TMEM126B: variants seen among roughly 807,000 people sequenced by gnomAD.
The protein encoded by TMEM126B is complex I assembly factor TMEM126B, mitochondrial.
TMEM126B carries 19 observed loss-of-function variants against 16.5 expected under a neutral mutation model. The observed-to-expected ratio is 1.15, with a 90% CI of 0.80 to 1.69. The LOEUF (loss-of-function observed/expected upper bound fraction) is 1.69. Among genes scored for constraint, TMEM126B ranks in the 40% most tolerant of loss-of-function variants. TMEM126B has a pLI of 0.00. For missense variants in TMEM126B, 293 were observed against 278.7 expected (o/e 1.05, Z -0.37); for synonymous variants, 104 against 93.2 (o/e 1.12, Z -0.67).
chr11:85,630,099 G>A (rs2082255910), intron 1 of TMEM126B, among the ~76,000 whole-genome samples: 1 of 152,168 alleles, frequency 6.6e-6, no homozygotes, highest in African/African-American at 2.4e-5. Flanking sequence ...GTATTACAGT[G>A]ATATTCAACA....
intron 2 of TMEM126B, 98 bp downstream of exon 2, chr11:85,631,906 T>A: frequency 1.6e-6 from 2 of 1,285,722 alleles, no homozygotes; most frequent in Non-Finnish European, 2.1e-6. Flanking sequence ...CCTTTTCTGT[T>A]ATCTAAGATC....
intron 4 of TMEM126B, 104 bp from the exon 5 acceptor site, chr11:85,635,942 C>G (rs1249964990): frequency 2.5e-5 from 33 of 1,327,274 alleles, no homozygotes; most frequent in Non-Finnish European, 3.0e-5. Context: ...TTTTTGCTCT[C>G]TACATTATAG....
At chr11:85,633,935 G>C (rs1461391796) in intron 2 of TMEM126B, 151 bp from the exon 3 acceptor site, 2 of 590,518 alleles carry the variant, frequency 3.4e-6, no homozygotes, top group South Asian at 2.2e-5. Flanking sequence ...TTTGTTTACT[G>C]TCCTATCTTA....
intron 4 of TMEM126B, 77 bp from the exon 5 acceptor site, chr11:85,635,968 TA>T (rs1432496165): frequency 7.0e-7 from 1 of 1,430,594 alleles, no homozygotes; most frequent in African/African-American, 1.5e-5. Context: ...GAAAGGCAAT[TA>T]TCAATTTAGG....
At chr11:85,628,952 ATTT>A (rs1388187614) in intron 1 of TMEM126B, among the ~76,000 whole-genome samples, 1 of 151,992 alleles carries the variant, frequency 6.6e-6, no homozygotes, top group Non-Finnish European at 1.5e-5. Flanking sequence ...AACTTGGAGT[ATTT>A]CCCTGCTTCT....
rs762862843 is a variant in TMEM126B, at chr11:85,636,048, AT to A, written c.513del (p.His172IlefsTer12). The A allele has an allele frequency of 1.1e-5, 17 of 1,585,806 alleles. No individual in the cohort carries two copies. The highest frequency in any genetic ancestry group is 1.5e-5 in the Non-Finnish European group (17 of 1,170,742). The stretch of plus-strand genomic sequence containing the variant: ...GATTAACTCTTTTTTCTTTTTAGGT[AT>A]CATACCGTTCCACTGCCACCAAAAG... ...FTKNGRLATKYHTVPLPPKGR... is the reference protein window; with the variant it reads ...FTKNGRLATKXHTVPLPPKGR... On this transcript the variant is annotated frameshift_variant, in exon 5 of 5. Transcript: ENST00000358867. LOFTEE classifies it low-confidence loss of function (END_TRUNC).
rs757171206 is a variant in TMEM126B at position 85,634,239 on chromosome 11, T to G, written c.357T>G (p.Val119=). 1.2e-6 allele frequency: 2 copies of G among 1,613,740 alleles called. No homozygotes were observed. Among genetic ancestry groups the G allele is most frequent in the Admixed American group, 3.3e-5 (2 of 59,996 alleles). ...CTACACTTCCATTTTTGTCTACTGTTGTTACTGACAAGCTTTTTGTAATTG... is the reference window on the plus strand; with the variant it reads ...CTACACTTCCATTTTTGTCTACTGTGGTTACTGACAAGCTTTTTGTAATTG... ...SLATLPFLST[V]VTDKLFVIDA... Residue 119 remains valine, a synonymous_variant, in exon 3 of 5, where the codon GTT becomes GTG. Transcript: ENST00000358867.
intron 2 of TMEM126B, 140 bp downstream of exon 2, chr11:85,631,948 CT>C: frequency 1.3e-6 from 1 of 780,402 alleles, no homozygotes; most frequent in Non-Finnish European, 1.8e-6. Context: ...AAGAACACAT[CT>C]TTAAAAAAAA....
chr11:85,635,789 C>A lies in TMEM126B; in HGVS notation c.509+11C>A, dbSNP rs774512492. 2 of 1,470,082 alleles carry A rather than the reference C, an allele frequency of 1.4e-6. No individual in the cohort carries two copies. Among genetic ancestry groups the A allele is most frequent in the Admixed American group, 2.5e-5 (1 of 40,268 alleles). 91.1% of individuals were successfully genotyped at this position (1,470,082 alleles called of 1,614,324 possible). A position where few individuals can be genotyped will look rare whatever the true frequency, so the allele number is the denominator to read the frequency against. On this transcript the variant is annotated intron_variant, in intron 4 of 4. Coordinates refer to ENST00000358867, the MANE Select transcript of TMEM126B (RefSeq NM_018480.7). ...ACGCCTGGCAACCAAGTAAGTTCTTCCTTTTCCTTCTTTTTTCTTTTCTTT... is the reference window on the plus strand; with the variant it reads ...ACGCCTGGCAACCAAGTAAGTTCTTACTTTTCCTTCTTTTTTCTTTTCTTT...
intron 1 of TMEM126B, chr11:85,631,331 T>C (rs2082292753): frequency 8.3e-7 from 1 of 1,198,942 alleles, no homozygotes; most frequent in Non-Finnish European, 1.1e-6. Flanking sequence ...GTTAGCCTTC[T>C]ACACTAAATC....
At chr11:85,632,596 ATTATTTTATT>A (rs146901763) in intron 2 of TMEM126B, among the ~76,000 whole-genome samples, 4 of 151,774 alleles carry the variant, frequency 2.6e-5, no homozygotes, top group South Asian at 2.1e-4. Flanking sequence ...TCTTGGACAA[ATTATTTTATT>A]TTATTTTATT....
At chr11:85,630,220 T>G (rs1159559310) in intron 1 of TMEM126B, among the ~76,000 whole-genome samples, 1 of 152,242 alleles carries the variant, frequency 6.6e-6, no homozygotes, top group East Asian at 1.9e-4. Flanking sequence ...TTCATGAGAC[T>G]GCATTTCAAA....
chr11:85,632,425 G>A (rs1435686017), intron 2 of TMEM126B, among the ~76,000 whole-genome samples: 1 of 152,088 alleles, frequency 6.6e-6, no homozygotes, highest in African/African-American at 2.4e-5. Context: ...TGTATTTTTA[G>A]TAGAGATGGT....
At chr11:85,635,879 A>G (rs2082394166) in intron 4 of TMEM126B, 101 bp downstream of exon 4, 2 of 1,016,540 alleles carry the variant, frequency 2.0e-6, no homozygotes, top group South Asian at 3.5e-5. Flanking sequence ...TGTCTATGAT[A>G]TATTTGAATC....
At chr11:85,632,250 C>CT (rs971926160) in intron 2 of TMEM126B, among the ~76,000 whole-genome samples, 51 of 148,902 alleles carry the variant, frequency 3.4e-4, no homozygotes, top group South Asian at 1.1e-3. Flanking sequence ...AACATATTGA[C>CT]TTTTTTTTTT....
At chr11:85,631,627 TA>T in intron 1 of TMEM126B, 59 bp from the exon 2 acceptor site, 1 of 1,544,300 alleles carries the variant, frequency 6.5e-7, no homozygotes, top group Non-Finnish European at 8.7e-7. Context: ...TAGAATTCTG[TA>T]AGGTTTTATG....
At chr11:85,635,870 G>A in intron 4 of TMEM126B, 92 bp downstream of exon 4, 3 of 941,798 alleles carry the variant, frequency 3.2e-6, no homozygotes, top group South Asian at 3.6e-5. Context: ...TTCTTTAGCT[G>A]TCTATGATAT....
intron 2 of TMEM126B, among the ~76,000 whole-genome samples, chr11:85,632,582 T>C (rs1385127439): frequency 6.6e-6 from 1 of 152,260 alleles, no homozygotes; most frequent in East Asian, 1.9e-4. Flanking sequence ...TGAAGTTTTA[T>C]AAATCTTGGA....
intron 1 of TMEM126B, 61 bp downstream of exon 1, chr11:85,628,749 C>G: frequency 2.1e-6 from 3 of 1,457,280 alleles, no homozygotes; most frequent in Non-Finnish European, 2.8e-6. Flanking sequence ...TGTTGGCAGA[C>G]TCTTCTAAGA....
Sources: gnomAD v4.1 joint callset for allele counts (sites outside exome capture counted in the v4.1 genomes callset) on GRCh38, gnomAD v4.1.1 for gene constraint, MANE v1.5 for transcripts, NCBI Gene and HGNC (gene_info 2026-07-23, HGNC 2026-07-21) for gene names.